The following CDK13 variants were observed in gnomAD, a reference collection of about 807,000 sequenced individuals.
CDK13 encodes cyclin-dependent kinase 13.
CDK13 carries 40 observed loss-of-function variants against 137.6 expected under a neutral mutation model. That is an observed-to-expected ratio of 0.29 (90% confidence interval 0.23 to 0.38). The LOEUF (loss-of-function observed/expected upper bound fraction) is 0.38. Ranked by LOEUF, CDK13 falls within the 10% of genes least tolerant of loss-of-function variation. CDK13 has a pLI of 1.00. For synonymous variants in CDK13, 869 were observed against 760.1 expected, an observed-to-expected ratio of 1.14 and a Z score of -2.36; for missense variants, 1,704 against 1,951.8, an observed-to-expected ratio of 0.87 and a Z score of 2.39.
chr7:40,075,305 A>T (rs1786521419), intron 9 of CDK13, among the ~76,000 whole-genome samples: 1 of 152,192 alleles, frequency 6.6e-6, no homozygotes, highest in Non-Finnish European at 1.5e-5. Context: ...TTGTAAATGC[A>T]GTTATCAGTT....
chr7:40,086,626 T>G (rs1786792562), intron 11 of CDK13, among the ~76,000 whole-genome samples: 1 of 152,132 alleles, frequency 6.6e-6, no homozygotes, highest in Admixed American at 6.5e-5. Flanking sequence ...TGTGGGCAGT[T>G]TTGATAGTTG....
chr7:39,954,078 C>G (rs941866522), intron 1 of CDK13, among the ~76,000 whole-genome samples: 1 of 152,222 alleles, frequency 6.6e-6, no homozygotes, highest in Non-Finnish European at 1.5e-5. Context: ...AATCCACCTT[C>G]GAACCATTGC....
Position 40,047,858 on chromosome 7 carries a change from T to C in CDK13, c.2581T>C (p.Leu861=), listed in dbSNP as rs1273627010. Reference sequence around the variant, plus strand: ...ACTTGCAGACTTTGGACTTGCTCGATTGTATAGCTCAGAAGAAAGGTAAGC... The same window carrying C: ...ACTTGCAGACTTTGGACTTGCTCGACTGTATAGCTCAGAAGAAAGGTAAGC... ...IKLADFGLAR[L]YSSEESRPYT... Residue 861 remains leucine (L), a synonymous_variant, in exon 7 of 14, where the codon TTG becomes CTG. Transcript: ENST00000181839. 5 of 1,610,186 alleles carry C rather than the reference T, an allele frequency of 3.1e-6. No individual in the cohort carries two copies. The South Asian group carries it at 5.5e-5, about 18-fold the overall frequency.
chr7:39,961,079 C>T (rs933504455), intron 1 of CDK13, among the ~76,000 whole-genome samples: 7 of 152,010 alleles, frequency 4.6e-5, no homozygotes, highest in Non-Finnish European at 1.0e-4. Context: ...TACTCTTTGG[C>T]TGGGCACAGT....
intron 1 of CDK13, among the ~76,000 whole-genome samples, chr7:39,982,186 C>T: frequency 7.0e-6 from 1 of 142,480 alleles, no homozygotes; most frequent in Non-Finnish European, 1.5e-5. Context: ...CCACAACAGT[C>T]CCCAGAGTGT....
In CDK13 at chr7:40,093,215, A is replaced by G; in HGVS notation, c.3666A>G (p.Pro1222=). Residue 1222 remains proline, a synonymous_variant, in exon 13 of 14, where the codon CCA becomes CCG. Coordinates refer to ENST00000181839, the MANE Select transcript of CDK13 (RefSeq NM_003718.5). Reference sequence around the variant, plus strand: ...CGTCATTACAACTCAGGCCACCTCCAGAACCTAGCACTCCGGTGTCGGGTA... The same window carrying G: ...CGTCATTACAACTCAGGCCACCTCCGGAACCTAGCACTCCGGTGTCGGGTA... ...HEASLQLRPP[P]EPSTPVSGQD... 1 of 1,613,196 alleles carries G rather than the reference A, an allele frequency of 6.2e-7. No individual in the cohort carries two copies. The highest frequency in any genetic ancestry group is 8.5e-7 in the Non-Finnish European group (1 of 1,179,666).
intron 11 of CDK13, among the ~76,000 whole-genome samples, chr7:40,083,738 TC>T (rs1436678973): frequency 2.0e-5 from 3 of 152,200 alleles, no homozygotes; most frequent in Admixed American, 2.0e-4. Context: ...AAAAACACAT[TC>T]AAGGAACATT....
At chr7:40,012,272 A>G (rs986595912) in intron 5 of CDK13, among the ~76,000 whole-genome samples, 13 of 152,170 alleles carry the variant, frequency 8.5e-5, no homozygotes, top group Non-Finnish European at 1.5e-4. Context: ...AATCAAAAAT[A>G]GAATTCTAGA....
At chr7:40,013,689 G>A (rs145766602) in intron 5 of CDK13, among the ~76,000 whole-genome samples, 23 of 152,290 alleles carry the variant, frequency 1.5e-4, no homozygotes, top group Admixed American at 1.2e-3. Context: ...ATTCATTGTA[G>A]TGATGATGGT....
At chr7:40,028,935 C>A (rs972761548) in intron 5 of CDK13, among the ~76,000 whole-genome samples, 171 of 151,464 alleles carry the variant, frequency 1.1e-3, no homozygotes, top group African/African-American at 4.0e-3. Context: ...ATCATTGATA[C>A]TATATTACAA....
chr7:40,020,480 C>T (rs900651221), intron 5 of CDK13, among the ~76,000 whole-genome samples: 2 of 152,130 alleles, frequency 1.3e-5, no homozygotes, highest in South Asian at 2.1e-4. Flanking sequence ...TCTTCCTTTC[C>T]CTCCTGCTGT....
At chr7:40,023,172 A>G (rs1447734313) in intron 5 of CDK13, among the ~76,000 whole-genome samples, 2 of 150,766 alleles carry the variant, frequency 1.3e-5, no homozygotes, top group Non-Finnish European at 2.9e-5. Context: ...GGCTTACCAC[A>G]ACCTCTGCCT....
At chr7:39,979,593 C>G (rs1055535068) in intron 1 of CDK13, among the ~76,000 whole-genome samples, 2 of 152,140 alleles carry the variant, frequency 1.3e-5, no homozygotes, top group Non-Finnish European at 2.9e-5. Context: ...ACAGTGTCCT[C>G]GAGAATGGAA....
In CDK13 at chr7:39,951,467, T is replaced by C. The variant is rs2116065158; in HGVS notation, c.826T>C (p.Ser276Pro). Residue 276 changes from serine (S) to proline (P), a missense_variant, in exon 1 of 14, where the codon TCG becomes CCG. Physicochemically the swap from Ser to Pro is moderately conservative, Grantham distance 74. Coordinates refer to ENST00000181839, the MANE Select transcript of CDK13 (RefSeq NM_003718.5). ...CAGTAGCAGCCGCAAGGACCGGGAC[T>C]CGAAGGCCCACCGCAGCCGGACTAA... ...SSSSSRKDRD[S>P]KAHRSRTKSS... The C allele has an allele frequency of 1.3e-6, 2 of 1,538,290 alleles. No individual in the cohort carries two copies. Among genetic ancestry groups the C allele is most frequent in the South Asian group, 1.2e-5 (1 of 83,124 alleles).
chr7:40,096,345 A>C lies in CDK13; in HGVS notation c.*1365A>C, dbSNP rs1787046996. 6.6e-6 allele frequency: 1 copy of C among 152,074 alleles called. No individual in the cohort carries two copies. Among genetic ancestry groups the C allele is most frequent in the Non-Finnish European group, 1.5e-5 (1 of 67,984 alleles). 9.4% of individuals were successfully genotyped at this position (152,074 alleles called of 1,614,324 possible). A position where few individuals can be genotyped will look rare whatever the true frequency, so the allele number is the denominator to read the frequency against. On this transcript the variant is annotated 3_prime_UTR_variant, in exon 14 of 14. Coordinates refer to ENST00000181839, the MANE Select transcript of CDK13 (RefSeq NM_003718.5). ...AGAGCAACAACTTTAGTTCATTTTA[A>C]CATTTTTTTTTAATGAAGAGCATCA...
chr7:40,023,675 A>G (rs1785177744), intron 5 of CDK13, among the ~76,000 whole-genome samples: 1 of 151,374 alleles, frequency 6.6e-6, no homozygotes, highest in Non-Finnish European at 1.5e-5. Context: ...AATTTTTTGT[A>G]TTTTTAATAG....
At chr7:40,021,394 G>A (rs150288765) in intron 5 of CDK13, among the ~76,000 whole-genome samples, 153 of 152,082 alleles carry the variant, frequency 1.0e-3, no homozygotes, top group African/African-American at 3.4e-3. Context: ...TACTTGGGAG[G>A]CTGAGGCAGG....
intron 4 of CDK13, among the ~76,000 whole-genome samples, chr7:40,001,040 T>C (rs1452637087): frequency 6.6e-6 from 1 of 152,220 alleles, no homozygotes; most frequent in Non-Finnish European, 1.5e-5. Flanking sequence ...TACTGCTAGG[T>C]AACTGGCCAG....
chr7:40,045,731 C>G, intron 5 of CDK13, 105 bp from the exon 6 acceptor site: 1 of 695,776 alleles, frequency 1.4e-6, no homozygotes, highest in East Asian at 2.7e-5. Flanking sequence ...CACTTCTTTT[C>G]AAGGATTAAT....
Sources: allele counts gnomAD v4.1 joint callset (sites outside exome capture counted in the v4.1 genomes callset), GRCh38; gene constraint gnomAD v4.1.1; transcripts MANE v1.5; gene names NCBI Gene and HGNC (gene_info 2026-07-23, HGNC 2026-07-21).